CNTNAP2: variants seen among roughly 807,000 people sequenced by gnomAD.
CNTNAP2 encodes contactin-associated protein-like 2.
CNTNAP2 carries 98 observed loss-of-function variants against 155.2 expected under a neutral mutation model. The observed-to-expected ratio is 0.63, with a 90% CI of 0.54 to 0.75. The LOEUF (loss-of-function observed/expected upper bound fraction) is 0.75, where lower values mean the gene tolerates loss of function less well. Among genes scored for constraint, CNTNAP2 ranks in the 30% least tolerant of loss-of-function variants. The probability of loss-of-function intolerance (pLI) is 0.00; values close to 1 mark genes in which losing one functional copy is unlikely to be tolerated. For synonymous variants in CNTNAP2, 651 were observed against 631.2 expected (o/e 1.03, Z -0.47); for missense variants, 1,727 against 1,688.1 (o/e 1.02, Z -0.40).
At chr7:146,836,874 C>T (rs1480476424) in intron 2 of CNTNAP2, among the ~76,000 whole-genome samples, 1 of 151,920 alleles carries the variant, frequency 6.6e-6, no homozygotes, top group Non-Finnish European at 1.5e-5. Flanking sequence ...TTTTGCTGGA[C>T]ATAGAATTTC....
chr7:146,650,820 GC>G (rs1799898276), intron 1 of CNTNAP2, among the ~76,000 whole-genome samples: 1 of 152,216 alleles, frequency 6.6e-6, no homozygotes, highest in African/African-American at 2.4e-5. Context: ...CAGAATTGTA[GC>G]TTTACAAAGT....
At chr7:148,274,853 C>CT (rs773681931) in intron 21 of CNTNAP2, among the ~76,000 whole-genome samples, 1 of 152,206 alleles carries the variant, frequency 6.6e-6, no homozygotes, top group Non-Finnish European at 1.5e-5. Context: ...TGTCGGGTTA[C>CT]TTAACATTGT....
chr7:146,469,923 T>C lies in CNTNAP2; in HGVS notation c.98-304348T>C, dbSNP rs556552881. Among the ~76,000 whole-genome samples, 8 of 150,254 alleles carry C rather than the reference T, an allele frequency of 5.3e-5. No homozygotes were observed. The South Asian group carries it at 1.7e-3, about 32-fold the overall frequency. On this transcript the variant is annotated intron_variant, in intron 1 of 23. Coordinates refer to ENST00000361727, the MANE Select transcript of CNTNAP2 (RefSeq NM_014141.6). Reference sequence around the variant, plus strand: ...GGAGCAATCTCGGCTCACTGCAAACTCCGCCTCACGGGTTCACGCGGTTCT... The same window carrying C: ...GGAGCAATCTCGGCTCACTGCAAACCCCGCCTCACGGGTTCACGCGGTTCT...
At chr7:147,937,125 G>C (rs1282925751) in intron 14 of CNTNAP2, among the ~76,000 whole-genome samples, 2 of 152,034 alleles carry the variant, frequency 1.3e-5, no homozygotes, top group Non-Finnish European at 2.9e-5. Flanking sequence ...TTCACTGCTT[G>C]ACTTAAGAGG....
In CNTNAP2 at chr7:146,483,328, T is replaced by TATAC. The variant is rs1459820598; in HGVS notation, c.98-290942_98-290941insTACA. Among the ~76,000 whole-genome samples the TATAC allele has an allele frequency of 4.2e-3, 344 of 81,474 alleles. 4 individuals are homozygous for TATAC. Among genetic ancestry groups the TATAC allele is most frequent in the African/African-American group, 7.1e-3 (110 of 15,418 alleles). 53.5% of individuals were successfully genotyped at this position (81,474 alleles called of 152,430 possible). Reference sequence around the variant, plus strand: ...ATATATATATATATATATATATATATACATATATATATATTTAAGCACAGA... The same window carrying TATAC: ...ATATATATATATATATATATATATATATACACATATATATATATTTAAGCACAGA... On this transcript the variant is annotated intron_variant, in intron 1 of 23. Transcript: ENST00000361727.
At chr7:146,350,932 A>T (rs982977958) in intron 1 of CNTNAP2, among the ~76,000 whole-genome samples, 2 of 151,406 alleles carry the variant, frequency 1.3e-5, no homozygotes, top group African/African-American at 4.9e-5. Flanking sequence ...CGCAAGGACA[A>T]AAAACCAAAC....
intron 13 of CNTNAP2, among the ~76,000 whole-genome samples, chr7:147,758,225 A>T (rs1246471095): frequency 6.6e-6 from 1 of 152,236 alleles, no homozygotes; most frequent in Non-Finnish European, 1.5e-5. Flanking sequence ...AATTCTCCTA[A>T]CATCAGCTAA....
At chr7:147,013,414 TTTA>T (rs1798661681) in intron 3 of CNTNAP2, among the ~76,000 whole-genome samples, 1 of 152,136 alleles carries the variant, frequency 6.6e-6, no homozygotes, top group Admixed American at 6.6e-5. Flanking sequence ...ATATCAATAT[TTTA>T]TTTATGTTTT....
At chr7:147,568,092 T>C (rs1284007147) in intron 12 of CNTNAP2, among the ~76,000 whole-genome samples, 2 of 151,456 alleles carry the variant, frequency 1.3e-5, no homozygotes, top group African/African-American at 2.4e-5. Flanking sequence ...TCTCAAAAAA[T>C]AAATAAATAT....
intron 9 of CNTNAP2, among the ~76,000 whole-genome samples, chr7:147,318,103 C>T (rs889813844): frequency 6.6e-6 from 1 of 151,956 alleles, no homozygotes. Context: ...TTTTATAGTA[C>T]TAAAAAATAA....
intron 15 of CNTNAP2, among the ~76,000 whole-genome samples, chr7:148,028,410 T>A (rs990906074): frequency 6.6e-6 from 1 of 152,118 alleles, no homozygotes; most frequent in Non-Finnish European, 1.5e-5. Flanking sequence ...AAAATCAGTT[T>A]AACCCAGGCT....
chr7:148,105,577 T>G (rs113235523), intron 15 of CNTNAP2, among the ~76,000 whole-genome samples: 24,722 of 151,774 alleles, frequency 0.16, 5,559 homozygotes, highest in African/African-American at 0.51. Context: ...CATTTTATTT[T>G]ATTTTTTATT....
At chr7:148,217,852 CTG>C (rs1452381505) in intron 19 of CNTNAP2, among the ~76,000 whole-genome samples, 5 of 152,236 alleles carry the variant, frequency 3.3e-5, no homozygotes, top group South Asian at 2.1e-4. Context: ...TGGCTGGACA[CTG>C]TGGCTCACGC....
intron 15 of CNTNAP2, among the ~76,000 whole-genome samples, chr7:148,002,411 A>C (rs1343778877): frequency 6.6e-6 from 1 of 152,196 alleles, no homozygotes; most frequent in African/African-American, 2.4e-5. Flanking sequence ...GCTAGAAAAA[A>C]AATGCGCACT....
At chr7:147,837,958 C>T (rs867046805) in intron 13 of CNTNAP2, among the ~76,000 whole-genome samples, 19 of 152,158 alleles carry the variant, frequency 1.2e-4, no homozygotes, top group Admixed American at 3.3e-4. Flanking sequence ...TCTCCATGAG[C>T]ACCCCGCCCC....
At chr7:147,663,062 G>A (rs530990780) in intron 13 of CNTNAP2, among the ~76,000 whole-genome samples, 34 of 152,124 alleles carry the variant, frequency 2.2e-4, no homozygotes, top group African/African-American at 3.4e-4. Flanking sequence ...GCAGTGGCGC[G>A]TTCTCGGCTC....
intron 21 of CNTNAP2, among the ~76,000 whole-genome samples, chr7:148,363,274 C>T (rs140228835): frequency 9.8e-4 from 149 of 152,332 alleles, no homozygotes; most frequent in African/African-American, 2.9e-3. Flanking sequence ...TGAGCCACCA[C>T]GCACGGCCTC....
intron 15 of CNTNAP2, among the ~76,000 whole-genome samples, chr7:147,999,098 T>G (rs755953794): frequency 6.6e-6 from 1 of 152,182 alleles, no homozygotes; most frequent in Non-Finnish European, 1.5e-5. Context: ...AGTCTTTTTT[T>G]TTGAGACAGA....
intron 8 of CNTNAP2, among the ~76,000 whole-genome samples, chr7:147,144,415 G>C (rs561027434): frequency 6.6e-6 from 1 of 152,116 alleles, no homozygotes; most frequent in Non-Finnish European, 1.5e-5. Context: ...ACTTTGTTCA[G>C]CTATGGTTGA....
Sources: allele counts gnomAD v4.1 joint callset (sites outside exome capture counted in the v4.1 genomes callset), GRCh38; gene constraint gnomAD v4.1.1; transcripts MANE v1.5; gene names NCBI Gene and HGNC (gene_info 2026-07-23, HGNC 2026-07-21).